The following CSMD1 variants were observed in gnomAD, a reference collection of about 807,000 sequenced individuals.
CSMD1 encodes CUB and sushi domain-containing protein 1.
In CSMD1, 213 loss-of-function variants were observed where a neutral mutation model predicts 417.5. The observed-to-expected ratio is 0.51, with a 90% CI of 0.46 to 0.57. CSMD1 has a LOEUF of 0.57. CSMD1 is among the 20% of genes least tolerant of loss of function. The pLI is 0.00. For synonymous variants in CSMD1, 2,862 were observed against 1,736.8 expected, an observed-to-expected ratio of 1.65 and a Z score of -16.11; for missense variants, 6,923 against 4,529.7, an observed-to-expected ratio of 1.53 and a Z score of -15.17.
intron 1 of CSMD1, among the ~76,000 whole-genome samples, chr8:4,972,493 G>C (rs1025669608): frequency 6.6e-5 from 10 of 152,064 alleles, no homozygotes; most frequent in African/African-American, 2.2e-4. Context: ...TGTGAAGAAG[G>C]TGCCTGACTT....
intron 26 of CSMD1, among the ~76,000 whole-genome samples, chr8:3,231,436 A>C (rs778165456): frequency 2.0e-5 from 3 of 152,172 alleles, no homozygotes; most frequent in Non-Finnish European, 4.4e-5. Flanking sequence ...TAATATTTGA[A>C]GCCTTAAAGT....
At chr8:4,626,043 T>C (rs1307192698) in intron 2 of CSMD1, among the ~76,000 whole-genome samples, 1 of 152,144 alleles carries the variant, frequency 6.6e-6, no homozygotes, top group Admixed American at 6.6e-5. Context: ...ATATTTTTGA[T>C]GGGACTATCA....
At chr8:3,603,397 C>T (rs4875243) in intron 8 of CSMD1, among the ~76,000 whole-genome samples, 82,197 of 151,862 alleles carry the variant, frequency 0.54, 24,242 homozygotes, top group African/African-American at 0.76. Context: ...AAATACAGCA[C>T]GTCAGGAAAG....
chr8:4,434,340 T>C (rs906349421), intron 2 of CSMD1, among the ~76,000 whole-genome samples: 1 of 152,172 alleles, frequency 6.6e-6, no homozygotes, highest in African/African-American at 2.4e-5. Context: ...CACTCCAGCC[T>C]GGGCAACAGC....
At chr8:3,570,408 T>G (rs535078756) in intron 10 of CSMD1, among the ~76,000 whole-genome samples, 1 of 151,302 alleles carries the variant, frequency 6.6e-6, no homozygotes, top group Non-Finnish European at 1.5e-5. Context: ...CAATGGGATA[T>G]GAAGGAACTC....
intron 3 of CSMD1, among the ~76,000 whole-genome samples, chr8:4,210,604 C>T (rs374654054): frequency 6.6e-6 from 1 of 151,902 alleles, no homozygotes; most frequent in African/African-American, 2.4e-5. Context: ...TAGAGCAAAA[C>T]AATAGCTAAT....
At chr8:3,489,363 C>T (rs951624032) in intron 11 of CSMD1, among the ~76,000 whole-genome samples, 8 of 152,132 alleles carry the variant, frequency 5.3e-5, no homozygotes, top group South Asian at 2.1e-4. Flanking sequence ...CATAGAGGGA[C>T]GGGCATTTTA....
At chr8:3,882,108 T>C (rs544477798) in intron 5 of CSMD1, among the ~76,000 whole-genome samples, 1 of 152,100 alleles carries the variant, frequency 6.6e-6, no homozygotes, top group Non-Finnish European at 1.5e-5. Flanking sequence ...GGTCAAACCA[T>C]TAGCCAGAAA....
chr8:4,412,436 T>C (rs1796701384), intron 3 of CSMD1, among the ~76,000 whole-genome samples: 1 of 152,178 alleles, frequency 6.6e-6, no homozygotes, highest in African/African-American at 2.4e-5. Flanking sequence ...GATTGGAAGC[T>C]TCCCGAGGCC....
chr8:3,887,436 C>T (rs150851635), intron 5 of CSMD1, among the ~76,000 whole-genome samples: 1 of 152,156 alleles, frequency 6.6e-6, no homozygotes, highest in African/African-American at 2.4e-5. Context: ...AAATTATAGA[C>T]CCTATCCATG....
At chr8:3,082,487 C>T (rs1042043821) in intron 49 of CSMD1, among the ~76,000 whole-genome samples, 5 of 152,152 alleles carry the variant, frequency 3.3e-5, no homozygotes, top group African/African-American at 1.2e-4. Flanking sequence ...TTCCTGCTGA[C>T]TATCATATTG....
chr8:4,464,306 G>C (rs1210591689), intron 2 of CSMD1, among the ~76,000 whole-genome samples: 1 of 152,186 alleles, frequency 6.6e-6, no homozygotes, highest in African/African-American at 2.4e-5. Context: ...GCAATGGACA[G>C]ACGCTCTTCA....
chr8:4,334,406 G>C (rs912280881), intron 3 of CSMD1, among the ~76,000 whole-genome samples: 2 of 152,120 alleles, frequency 1.3e-5, no homozygotes, highest in African/African-American at 4.8e-5. Flanking sequence ...GGAACTTTAA[G>C]AGCAAATACT....
At chr8:4,311,753 T>G (rs1443486316) in intron 3 of CSMD1, among the ~76,000 whole-genome samples, 2 of 147,872 alleles carry the variant, frequency 1.4e-5, no homozygotes, top group East Asian at 2.1e-4. Flanking sequence ...AGAATCTAAA[T>G]TATGAGAGTT....
intron 2 of CSMD1, among the ~76,000 whole-genome samples, chr8:4,628,866 G>C (rs1035130000): frequency 6.6e-6 from 1 of 152,110 alleles, no homozygotes; most frequent in Non-Finnish European, 1.5e-5. Context: ...CGTTGATGGT[G>C]TTTTATTATG....
At chr8:4,726,536 G>A (rs556796228) in intron 1 of CSMD1, among the ~76,000 whole-genome samples, 3 of 152,096 alleles carry the variant, frequency 2.0e-5, no homozygotes, top group Admixed American at 6.6e-5. Flanking sequence ...AATACAAGCA[G>A]TGCTAACCAG....
intron 7 of CSMD1, among the ~76,000 whole-genome samples, chr8:3,700,175 G>C (rs767938987): frequency 3.3e-5 from 5 of 152,028 alleles, no homozygotes; most frequent in Non-Finnish European, 7.4e-5. Flanking sequence ...TCAGGTAATG[G>C]GTGCACCAAC....
intron 6 of CSMD1, among the ~76,000 whole-genome samples, chr8:3,726,841 A>T (rs1802526296): frequency 1.3e-5 from 2 of 152,218 alleles, no homozygotes; most frequent in African/African-American, 4.8e-5. Context: ...GAGTCACTGT[A>T]AAGCAATGTC....
chr8:3,199,049 C>A (rs970203959), intron 33 of CSMD1, among the ~76,000 whole-genome samples: 10 of 152,142 alleles, frequency 6.6e-5, no homozygotes, highest in African/African-American at 2.4e-4. Flanking sequence ...AGTGTATGAA[C>A]AGTTTATGTG....
Sources: gnomAD v4.1 joint callset for allele counts (sites outside exome capture counted in the v4.1 genomes callset) on GRCh38, gnomAD v4.1.1 for gene constraint, MANE v1.5 for transcripts, NCBI Gene and HGNC (gene_info 2026-07-23, HGNC 2026-07-21) for gene names.